The following CFAP61 variants were observed in gnomAD, a reference collection of about 807,000 sequenced individuals.
CFAP61 encodes cilia- and flagella-associated protein 61.
CFAP61 carries 107 observed loss-of-function variants against 135.6 expected under a neutral mutation model. The ratio of observed to expected loss-of-function variants is 0.79; its 90% confidence interval spans 0.67 to 0.93. CFAP61 has a LOEUF of 0.93. Ranked by LOEUF, CFAP61 falls within the 40% of genes least tolerant of loss-of-function variation. The pLI, the probability that CFAP61 is intolerant of heterozygous loss-of-function variation, is 0.00. For missense variants in CFAP61, 1,507 were observed against 1,556.2 expected (o/e 0.97, Z 0.53); for synonymous variants, 575 against 578.5 (o/e 0.99, Z 0.09).
chr20:20,306,738 CAGGCAGAGGA>C (rs772181667), intron 25 of CFAP61, among the ~76,000 whole-genome samples: 15 of 152,114 alleles, frequency 9.9e-5, no homozygotes, highest in Non-Finnish European at 1.6e-4. Flanking sequence ...CCTTTCCAGG[CAGGCAGAGGA>C]AGGCGCTGGC....
intron 8 of CFAP61, among the ~76,000 whole-genome samples, chr20:20,133,937 T>G (rs924188580): frequency 3.3e-5 from 5 of 152,232 alleles, no homozygotes; most frequent in Non-Finnish European, 7.3e-5. Flanking sequence ...TATCTTTCTT[T>G]GTATCACTGT....
In CFAP61 at chr20:20,194,692, G is replaced by A. The variant is rs187839869; in HGVS notation, c.1591-1878G>A. ...CTCCCCTGTCACTGGTAATGCCACC[G>A]CCCCTCTTTTTGATTGGGAGGGATG... is the stretch of plus-strand genomic sequence containing the variant. On this transcript the variant is annotated intron_variant, in intron 15 of 26. Coordinates refer to ENST00000245957, the MANE Select transcript of CFAP61 (RefSeq NM_015585.4). Among the ~76,000 whole-genome samples the A allele has an allele frequency of 6.2e-4, 95 of 152,242 alleles. 2 individuals carry two copies. In the East Asian group the frequency reaches 0.01, roughly 17 times the overall value.
chr20:20,154,418 G>A (rs981855528), intron 9 of CFAP61, among the ~76,000 whole-genome samples: 2 of 151,998 alleles, frequency 1.3e-5, no homozygotes, highest in South Asian at 2.1e-4. Flanking sequence ...GCCAACTGTC[G>A]CTATTCACTG....
At chr20:20,229,349 G>A (rs1446679740) in intron 18 of CFAP61, among the ~76,000 whole-genome samples, 1 of 152,170 alleles carries the variant, frequency 6.6e-6, no homozygotes, top group Non-Finnish European at 1.5e-5. Context: ...TTTTTAAAAA[G>A]TTTCATAGAT....
intron 13 of CFAP61, among the ~76,000 whole-genome samples, chr20:20,183,744 T>G (rs1050929264): frequency 6.6e-6 from 1 of 152,220 alleles, no homozygotes; most frequent in African/African-American, 2.4e-5. Context: ...TACTTTTTTG[T>G]ACCAAGTCCA....
rs1400032474 is a variant in CFAP61 at position 20,162,886 on chromosome 20, ATACT to A, written c.1027-1160_1027-1157del. ...AACTTACACATTCATATTAGTGTAAATACTTACGGATTTAACCCTGAATTGTGAT... is the reference window on the plus strand; with the variant it reads ...AACTTACACATTCATATTAGTGTAAATACGGATTTAACCCTGAATTGTGAT... On this transcript the variant is annotated intron_variant, in intron 10 of 26. Coordinates refer to ENST00000245957, the MANE Select transcript of CFAP61 (RefSeq NM_015585.4). Among the ~76,000 whole-genome samples, 7 of 152,312 alleles carry A rather than the reference ATACT, an allele frequency of 4.6e-5. No individual in the cohort carries two copies. The East Asian group carries it at 1.4e-3, about 29-fold the overall frequency.
chr20:20,329,839 T>G (rs1602048553), intron 25 of CFAP61, among the ~76,000 whole-genome samples: 1 of 152,226 alleles, frequency 6.6e-6, no homozygotes, highest in Non-Finnish European at 1.5e-5. Flanking sequence ...CAGTAGATCC[T>G]CCCCGTGCCT....
chr20:20,273,321 G>C (rs948432667), intron 21 of CFAP61, among the ~76,000 whole-genome samples: 3 of 152,102 alleles, frequency 2.0e-5, no homozygotes, highest in Admixed American at 2.0e-4. Flanking sequence ...GGGACTATGT[G>C]GGATTTTATG....
At chr20:20,191,519 T>C in intron 15 of CFAP61, 100 bp downstream of exon 15, 1 of 720,152 alleles carries the variant, frequency 1.4e-6, no homozygotes, top group Non-Finnish European at 2.3e-6. Context: ...ACTTATTTAA[T>C]GTGAATGCCT....
chr20:20,086,316 CT>C (rs2046797564), intron 6 of CFAP61, among the ~76,000 whole-genome samples: 1 of 100,254 alleles, frequency 1.0e-5, no homozygotes, highest in Non-Finnish European at 1.8e-5. Flanking sequence ...TCCCTCCCCC[CT>C]CCCCCCACCC....
rs147752854 is a variant in CFAP61, at chr20:20,130,562, GTAA to G, written c.860-12293_860-12291del. On this transcript the variant is annotated intron_variant, in intron 8 of 26. Coordinates refer to ENST00000245957, the MANE Select transcript of CFAP61 (RefSeq NM_015585.4). ...TGGGATATTTGCTTATAGATTCTGT[GTAA>G]TTTACCTGCTGACTTTCTTTTTTTT... is the stretch of plus-strand genomic sequence containing the variant. Among the ~76,000 whole-genome samples the G allele has an allele frequency of 3.8e-4, 57 of 151,908 alleles. No homozygotes were observed. The East Asian group carries it at 4.2e-3, about 11-fold the overall frequency.
intron 9 of CFAP61, among the ~76,000 whole-genome samples, chr20:20,152,654 G>T (rs114526291): frequency 0.011 from 1,661 of 152,230 alleles, 31 homozygotes; most frequent in African/African-American, 0.038. Context: ...TAAAAAATCA[G>T]TCCTACAGGA....
chr20:20,326,270 GCTTGT>G (rs1396587678), intron 25 of CFAP61, among the ~76,000 whole-genome samples: 1 of 151,986 alleles, frequency 6.6e-6, no homozygotes, highest in African/African-American at 2.4e-5. Context: ...CCAGTTTGTG[GCTTGT>G]CTTTTTATTC....
intron 2 of CFAP61, among the ~76,000 whole-genome samples, chr20:20,070,468 C>T (rs2146566332): frequency 6.6e-6 from 1 of 152,226 alleles, no homozygotes; most frequent in South Asian, 2.1e-4. Flanking sequence ...ACTCCCAGTC[C>T]TGGGCAAAGA....
chr20:20,071,098 C>G, intron 3 of CFAP61, 94 bp downstream of exon 3: 1 of 1,222,644 alleles, frequency 8.2e-7, no homozygotes, highest in South Asian at 1.4e-5. Flanking sequence ...TTGTACTGAG[C>G]AGTATATGAC....
intron 3 of CFAP61, among the ~76,000 whole-genome samples, chr20:20,073,385 T>C (rs1224432132): frequency 3.9e-5 from 6 of 152,218 alleles, no homozygotes; most frequent in Non-Finnish European, 7.3e-5. Context: ...TTCCGAGTGC[T>C]TCTGAGTCAC....
chr20:20,113,750 C>T (rs566901427), intron 8 of CFAP61, among the ~76,000 whole-genome samples: 1 of 152,128 alleles, frequency 6.6e-6, no homozygotes, highest in South Asian at 2.1e-4. Context: ...CATTCTTTCC[C>T]CCTATTGCAG....
chr20:20,090,290 C>T (rs575891995), intron 6 of CFAP61, among the ~76,000 whole-genome samples: 1 of 152,304 alleles, frequency 6.6e-6, no homozygotes, highest in South Asian at 2.1e-4. Flanking sequence ...AGAGGTCCTC[C>T]CTGACCACTT....
intron 2 of CFAP61, 92 bp from the exon 3 acceptor site, chr20:20,070,762 T>G: frequency 3.4e-6 from 4 of 1,171,252 alleles, no homozygotes; most frequent in Non-Finnish European, 4.8e-6. Flanking sequence ...CAGTGGCTGC[T>G]GAGCTCCAGT....
Sources: allele counts gnomAD v4.1 joint callset (sites outside exome capture counted in the v4.1 genomes callset), GRCh38; gene constraint gnomAD v4.1.1; transcripts MANE v1.5; gene names NCBI Gene and HGNC (gene_info 2026-07-23, HGNC 2026-07-21).